NEIL3: variants seen among roughly 807,000 people sequenced by gnomAD.
NEIL3 encodes the protein nei like DNA glycosylase 3, also known as endonuclease 8-like 3.
Under a neutral mutation model 57.5 loss-of-function variants are expected in NEIL3, and 48 were observed. The observed-to-expected ratio is 0.83, with a 90% CI of 0.66 to 1.06. The LOEUF is 1.06. Ranked by LOEUF, NEIL3 falls within the 50% of genes least tolerant of loss-of-function variation. The pLI, the probability that NEIL3 is intolerant of heterozygous loss-of-function variation, is 0.00. For missense variants in NEIL3, 717 were observed against 739.1 expected (o/e 0.97, Z 0.35); for synonymous variants, 261 against 253.2 (o/e 1.03, Z -0.29).
chr4:177,349,582 A>C (rs77437899), intron 6 of NEIL3, among the ~76,000 whole-genome samples: 5,326 of 152,268 alleles, frequency 0.035, 106 homozygotes, highest in East Asian at 0.067. Context: ...ATCCTTAATT[A>C]CATCTGCAAA....
intron 2 of NEIL3, among the ~76,000 whole-genome samples, chr4:177,324,714 G>C (rs1428181280): frequency 6.6e-6 from 1 of 152,106 alleles, no homozygotes; most frequent in East Asian, 1.9e-4. Flanking sequence ...TGCTACAAAT[G>C]TAACAAGTAC....
At chr4:177,370,124 T>G in the NEIL3 span, among the ~76,000 whole-genome samples, 1 of 152,132 alleles carries the variant, frequency 6.6e-6, no homozygotes, top group Non-Finnish European at 1.5e-5. Flanking sequence ...GATGCTGGGG[T>G]GAGTATTATG....
intron 2 of NEIL3, among the ~76,000 whole-genome samples, chr4:177,327,259 G>A (rs1325604700): frequency 5.3e-5 from 8 of 152,128 alleles, no homozygotes; most frequent in Non-Finnish European, 1.2e-4. Context: ...CAGTCTCAGG[G>A]AAGTTCTTTA....
Position 177,362,454 on chromosome 4 carries a change from A to T in NEIL3, c.1801A>T (p.Ile601Phe). 1 of 1,611,926 alleles carries T rather than the reference A, an allele frequency of 6.2e-7. No individual in the cohort carries two copies. The highest frequency in any genetic ancestry group is 2.2e-5 in the East Asian group (1 of 44,824). The change falls in exon 10 of 10, where the codon ATT becomes TTT. Residue 601 changes from isoleucine to phenylalanine, a missense_variant. Ile to Phe is a conservative substitution (Grantham distance 21, BLOSUM62 0). Coordinates refer to ENST00000264596, the MANE Select transcript of NEIL3 (RefSeq NM_018248.3). Reference protein sequence around the residue: ...QWAENGPGIKIIPGC With the variant: ...QWAENGPGIKFIPGC Reference sequence around the variant, plus strand: ...GGCAGAAAATGGGCCAGGAATAAAAATTATTCCTGGATGCTAATATCTGTA... The same window carrying T: ...GGCAGAAAATGGGCCAGGAATAAAATTTATTCCTGGATGCTAATATCTGTA...
intron 3 of NEIL3, 103 bp from the exon 4 acceptor site, chr4:177,336,004 AC>A: frequency 9.5e-7 from 1 of 1,055,396 alleles, no homozygotes; most frequent in Non-Finnish European, 1.4e-6. Context: ...TAACTCTTAT[AC>A]CCTGATTAAC....
intron 2 of NEIL3, among the ~76,000 whole-genome samples, chr4:177,330,046 G>C (rs552351008): frequency 6.6e-6 from 1 of 152,012 alleles, no homozygotes; most frequent in East Asian, 1.9e-4. Context: ...TGAGTAGCTG[G>C]GATTACAGAC....
At chr4:177,346,578 C>T (rs1735224862) in intron 6 of NEIL3, among the ~76,000 whole-genome samples, 1 of 152,198 alleles carries the variant, frequency 6.6e-6, no homozygotes, top group Admixed American at 6.5e-5. Context: ...AAAGTTAAGG[C>T]AACAGCAAGG....
At chr4:177,319,436 C>T (rs1734632541) in intron 1 of NEIL3, among the ~76,000 whole-genome samples, 1 of 152,036 alleles carries the variant, frequency 6.6e-6, no homozygotes, top group Admixed American at 6.6e-5. Context: ...TGAGTTTCAG[C>T]TTTAACTTTT....
chr4:177,351,613 G>A, intron 7 of NEIL3, 64 bp downstream of exon 7: 1 of 1,282,836 alleles, frequency 7.8e-7, no homozygotes, highest in Admixed American at 2.0e-5. Flanking sequence ...ACAAAGTCAG[G>A]AATATATCTT....
chr4:177,341,094 A>G (rs1735081795), intron 5 of NEIL3, among the ~76,000 whole-genome samples: 3 of 152,168 alleles, frequency 2.0e-5, no homozygotes, highest in African/African-American at 7.2e-5. Flanking sequence ...AAAAATAATC[A>G]GATTTCAAGC....
intron 2 of NEIL3, among the ~76,000 whole-genome samples, chr4:177,335,238 G>A (rs958522199): frequency 6.6e-6 from 1 of 152,260 alleles, no homozygotes; most frequent in East Asian, 1.9e-4. Context: ...TTAGAAATAA[G>A]GAATTTGAAT....
chr4:177,363,275 A>G (rs1300447772), downstream of NEIL3, among the ~76,000 whole-genome samples: 2 of 152,180 alleles, frequency 1.3e-5, no homozygotes, highest in Non-Finnish European at 2.9e-5. Flanking sequence ...TGTTTTTTTT[A>G]AAGGACAGCA....
At chr4:177,360,285 C>T (rs1284189320) in intron 8 of NEIL3, among the ~76,000 whole-genome samples, 3 of 152,266 alleles carry the variant, frequency 2.0e-5, no homozygotes, top group South Asian at 2.1e-4. Flanking sequence ...AGTTAAATTA[C>T]GTGTTTTAGG....
chr4:177,351,273 A>C (rs1735345119), intron 6 of NEIL3, 107 bp from the exon 7 acceptor site: 1 of 660,116 alleles, frequency 1.5e-6, no homozygotes, highest in Non-Finnish European at 2.5e-6. Context: ...CCAAGCAATA[A>C]TAAAGAGATA....
intron 2 of NEIL3, among the ~76,000 whole-genome samples, chr4:177,323,453 T>C (rs576628762): frequency 6.6e-6 from 1 of 152,344 alleles, no homozygotes; most frequent in African/African-American, 2.4e-5. Flanking sequence ...TGTTCTTTAT[T>C]GCATCTCATC....
Position 177,353,637 on chromosome 4 carries a change from T to G in NEIL3, c.1369T>G (p.Ser457Ala). The change falls in exon 8 of 10, where the codon TCT (serine) becomes GCT (alanine). Residue 457 changes from serine to alanine, a missense_variant. Ser to Ala is a moderately conservative substitution (Grantham distance 99, BLOSUM62 1). Coordinates refer to ENST00000264596, the MANE Select transcript of NEIL3 (RefSeq NM_018248.3). ...CATATCACCTACAATCAGTTCAGAA[T>G]CTAAATTATTTAGTCCAGCACATAA... ...VNISPTISSE[S>A]KLFSPAHKKP... 1 of 1,613,702 alleles carries G rather than the reference T, an allele frequency of 6.2e-7. No individual in the cohort carries two copies. The highest frequency in any genetic ancestry group is 8.5e-7 in the Non-Finnish European group (1 of 1,179,720).
intron 6 of NEIL3, among the ~76,000 whole-genome samples, chr4:177,343,993 T>C (rs993453394): frequency 6.6e-6 from 1 of 152,150 alleles, no homozygotes; most frequent in African/African-American, 2.4e-5. Context: ...TGAATTGATA[T>C]CTTTGAGATT....
intron 2 of NEIL3, among the ~76,000 whole-genome samples, chr4:177,335,001 G>A (rs1382089161): frequency 1.3e-5 from 2 of 152,016 alleles, no homozygotes; most frequent in African/African-American, 4.8e-5. Flanking sequence ...CAAGTTAACC[G>A]TAAATATTTA....
the NEIL3 span, among the ~76,000 whole-genome samples, chr4:177,368,497 T>C: frequency 1.3e-3 from 194 of 152,316 alleles, no homozygotes; most frequent in South Asian, 3.1e-3. Flanking sequence ...ATGGTCCGCA[T>C]CATGTTGTAT....
Sources: allele counts gnomAD v4.1 joint callset (sites outside exome capture counted in the v4.1 genomes callset), GRCh38; gene constraint gnomAD v4.1.1; transcripts MANE v1.5; gene names NCBI Gene and HGNC (gene_info 2026-07-23, HGNC 2026-07-21).